Variants in PCGF2 observed in about 807,000 individuals in gnomAD.
The protein encoded by PCGF2 is polycomb group ring finger 2.
In PCGF2, 8 loss-of-function variants were observed where a neutral mutation model predicts 36.1. The observed-to-expected ratio is 0.22, with a 90% CI of 0.13 to 0.40. The LOEUF (loss-of-function observed/expected upper bound fraction) is 0.40. Among genes scored for constraint, PCGF2 ranks in the 10% least tolerant of loss-of-function variants. The probability of loss-of-function intolerance (pLI) is 1.00; values close to 1 mark genes in which losing one functional copy is unlikely to be tolerated. For missense variants in PCGF2, 436 were observed against 475.9 expected, an observed-to-expected ratio of 0.92 and a Z score of 0.78; for synonymous variants, 198 against 191.2, an observed-to-expected ratio of 1.04 and a Z score of -0.29.
chr17:38,748,935 C>A (rs571466610), upstream of PCGF2, among the ~76,000 whole-genome samples: 2 of 152,294 alleles, frequency 1.3e-5, no homozygotes, highest in South Asian at 4.1e-4. Flanking sequence ...GCGCTGGCCC[C>A]GAAAAGCGGC....
chr17:38,746,989 A>G (rs1907573182), intron 2 of PCGF2, among the ~76,000 whole-genome samples: 2 of 152,222 alleles, frequency 1.3e-5, no homozygotes, highest in Non-Finnish European at 2.9e-5. Flanking sequence ...GCATCAGAAC[A>G]GAGCGGGGAG....
chr17:38,736,095 G>C lies in PCGF2; in HGVS notation c.652C>G (p.Arg218Gly). The C allele has an allele frequency of 6.4e-7, 1 of 1,574,740 alleles. No individual in the cohort carries two copies. Among genetic ancestry groups the C allele is most frequent in the East Asian group, 2.3e-5 (1 of 43,352 alleles). Residue 218 changes from arginine (R) to glycine (G), a missense_variant, in exon 10 of 11, where the codon CGG becomes GGG. This residue lies in a region of PCGF2 where 227 missense variants were observed against 212.9 expected (regional missense o/e 1.07). Coordinates refer to ENST00000620225, the MANE Select transcript of PCGF2 (RefSeq NM_007144.3). ...LMDIAYIYPW[R>G]RNGPLPLKYR... ...CGCCCCACTCGCTGGCTCACCCGCC[G>C]CCAGGGGTAGATGTAGGCGATGTCC...
In PCGF2 at chr17:38,739,084, C is replaced by T. The variant is rs758029170; in HGVS notation, c.300G>A (p.Ala100=). 33 of 1,613,202 alleles carry T rather than the reference C, an allele frequency of 2.0e-5. No homozygotes were observed. The highest frequency in any genetic ancestry group is 2.7e-5 in the African/African-American group (2 of 74,868). The change falls in exon 6 of 11, where the codon GCG becomes GCA. Residue 100 remains alanine, a synonymous_variant. Transcript: ENST00000620225. This position sits in a 1 kb window ranked among gnomAD's most constrained non-coding sequence, Gnocchi z 4.0. The part of the protein sequence containing the change: ...EMKRRRDFYA[A]YPLTEVPNGS... ...CACACTCACCCTCCGTCAGGGGGTACGCTGCATAGAAATCCCGCCGCCGTT... is the reference window on the plus strand; with the variant it reads ...CACACTCACCCTCCGTCAGGGGGTATGCTGCATAGAAATCCCGCCGCCGTT...
rs1907016987 is a variant in PCGF2 at position 38,739,344 on chromosome 17, C to T, written c.210-91G>A. 5.0e-6 allele frequency: 6 copies of T among 1,205,080 alleles called. No homozygotes were observed. The Admixed American group carries it at 8.9e-5, about 18-fold the overall frequency. The allele number at this position is 1,205,080 out of a possible 1,614,324, so 74.6% of individuals were successfully genotyped here. A position where few individuals can be genotyped will look rare whatever the true frequency, so the allele number is the denominator to read the frequency against. On this transcript the variant is annotated intron_variant, in intron 4 of 10. Coordinates refer to ENST00000620225, the MANE Select transcript of PCGF2 (RefSeq NM_007144.3). This position sits in a 1 kb window ranked among gnomAD's most constrained non-coding sequence, Gnocchi z 4.0. ...CTCCCAGCCAGGGTACCCCTCTTCC[C>T]ACCCCCTTCCTGAGACCGGTGCCCA...
upstream of PCGF2, among the ~76,000 whole-genome samples, chr17:38,749,147 C>A (rs1203234621): frequency 6.6e-6 from 1 of 152,238 alleles, no homozygotes; most frequent in African/African-American, 2.4e-5. This position sits in a 1 kb window ranked among gnomAD's most constrained non-coding sequence, Gnocchi z 6.5. Context: ...ACACAATAAT[C>A]CGGCCGAAGG....
intron 9 of PCGF2, among the ~76,000 whole-genome samples, chr17:38,736,851 A>ACAAAT (rs1269599130): frequency 6.7e-6 from 1 of 150,178 alleles, no homozygotes; most frequent in East Asian, 2.0e-4. Context: ...ACAAAACAAA[A>ACAAAT]CAAAAAACAA....
intron 3 of PCGF2, 85 bp downstream of exon 3, chr17:38,740,206 G>A (rs1907088912): frequency 1.6e-6 from 2 of 1,231,982 alleles, no homozygotes; most frequent in Non-Finnish European, 2.4e-6. Flanking sequence ...GCAAGGGTTT[G>A]CGTGCTACCT....
chr17:38,741,589 TG>T (rs1378994003), intron 2 of PCGF2, among the ~76,000 whole-genome samples: 1 of 152,156 alleles, frequency 6.6e-6, no homozygotes, highest in Admixed American at 6.5e-5. Flanking sequence ...AGCCATCACT[TG>T]TGCTTCTGGC....
Position 38,739,893 on chromosome 17 carries a change from A to G in PCGF2, c.113-211T>C, listed in dbSNP as rs1907061845. 6.6e-6 allele frequency among the ~76,000 whole-genome samples: 1 copy of G among 152,166 alleles called. No homozygotes were observed. Among genetic ancestry groups the G allele is most frequent in the South Asian group, 2.1e-4 (1 of 4,830 alleles). Reference sequence around the variant, plus strand: ...ATCTTGTGTGAGACAGGCCAGTGTCATGTACAATGCAGAAGGTCAGCCCTG... The same window carrying G: ...ATCTTGTGTGAGACAGGCCAGTGTCGTGTACAATGCAGAAGGTCAGCCCTG... On this transcript the variant is annotated intron_variant, in intron 3 of 10. Coordinates refer to ENST00000620225, the MANE Select transcript of PCGF2 (RefSeq NM_007144.3). The surrounding 1 kb of genome is among the most constrained non-coding windows in gnomAD (Gnocchi z 4.0).
In PCGF2 at chr17:38,739,633, G is replaced by C. The variant is rs1567941284; in HGVS notation, c.162C>G (p.Pro54=). 6.2e-7 allele frequency: 1 copy of C among 1,614,040 alleles called. No individual in the cohort carries two copies. The change falls in exon 4 of 11, where the codon CCC becomes CCG. Residue 54 remains proline (P), a synonymous_variant. Transcript: ENST00000620225. The surrounding 1 kb of genome is among the most constrained non-coding windows in gnomAD (Gnocchi z 4.0). ...VRYLETNKYC[P]MCDVQVHKTR... ...TTTTATGGACCTGCACGTCACACAT[G>C]GGGCAGTATTTGTTGGTCTCCAGGT...
rs754797963 is a variant in PCGF2, at chr17:38,735,265, G to T, written c.993C>A (p.Arg331=). 2.7e-6 allele frequency: 4 copies of T among 1,467,102 alleles called. No individual in the cohort carries two copies. The highest frequency in any genetic ancestry group is 3.6e-6 in the Non-Finnish European group (4 of 1,098,824). 90.9% of individuals were successfully genotyped at this position (1,467,102 alleles called of 1,614,324 possible). A position where few individuals can be genotyped will look rare whatever the true frequency, so the allele number is the denominator to read the frequency against. The change falls in exon 11 of 11, where the codon CGC becomes CGA. Residue 331 remains arginine, a synonymous_variant. Transcript: ENST00000620225. The stretch of plus-strand genomic sequence containing the variant: ...CGGGAGCGCCGTTGACAGTCATCTT[G>T]CGCCCCCTGCTGGTGGAGGATGGTG... ...LQTPSSTSRG[R]KMTVNGAPVP...
chr17:38,749,158 C>T (rs905882426), upstream of PCGF2, among the ~76,000 whole-genome samples: 1 of 152,246 alleles, frequency 6.6e-6, no homozygotes, highest in Non-Finnish European at 1.5e-5. The surrounding 1 kb of genome is among the most constrained non-coding windows in gnomAD (Gnocchi z 6.5). Context: ...CGGCCGAAGG[C>T]GAGCGGCCAC....
chr17:38,749,041 G>A (rs573863594), upstream of PCGF2, among the ~76,000 whole-genome samples: 3 of 152,230 alleles, frequency 2.0e-5, no homozygotes, highest in South Asian at 2.1e-4. The surrounding 1 kb of genome is among the most constrained non-coding windows in gnomAD (Gnocchi z 6.5). Flanking sequence ...GCCGCGGGGG[G>A]ATCGGGTAGC....
At chr17:38,747,542 C>A (rs1192695024) in intron 2 of PCGF2, among the ~76,000 whole-genome samples, 1 of 151,108 alleles carries the variant, frequency 6.6e-6, no homozygotes, top group Admixed American at 6.6e-5. Flanking sequence ...CGGAGGGAGG[C>A]TCTGCTGAGG....
Position 38,739,059 on chromosome 17 carries a change from C to T in PCGF2, c.316+9G>A. The T allele has an allele frequency of 1.2e-6, 2 of 1,612,602 alleles. No individual in the cohort carries two copies. Among genetic ancestry groups the T allele is most frequent in the South Asian group, 2.2e-5 (2 of 91,010 alleles). On this transcript the variant is annotated intron_variant, in intron 6 of 10. Coordinates refer to ENST00000620225, the MANE Select transcript of PCGF2 (RefSeq NM_007144.3). This position sits in a 1 kb window ranked among gnomAD's most constrained non-coding sequence, Gnocchi z 4.0. Reference sequence around the variant, plus strand: ...CTGTGCACACACAAACAGACGCGAGCACACTCACCCTCCGTCAGGGGGTAC... The same window carrying T: ...CTGTGCACACACAAACAGACGCGAGTACACTCACCCTCCGTCAGGGGGTAC...
rs1906516860 is a variant in PCGF2 at position 38,734,484 on chromosome 17, CTTCTT to C, written c.*734_*738del. 1 of 150,528 alleles carries C rather than the reference CTTCTT, an allele frequency of 6.6e-6. No individual in the cohort carries two copies. Among genetic ancestry groups the C allele is most frequent in the Non-Finnish European group, 1.5e-5 (1 of 67,860 alleles). The allele number at this position is 150,528 out of a possible 1,614,324, so 9.3% of individuals were successfully genotyped here. On this transcript the variant is annotated 3_prime_UTR_variant, in exon 11 of 11. Transcript: ENST00000620225. The stretch of plus-strand genomic sequence containing the variant: ...AGCTGAGACCTCTCAGGGCCTGAAT[CTTCTT>C]TTCCACAAGATAAATGATGCAAAGG...
upstream of PCGF2, chr17:38,749,478 C>T: frequency 2.6e-6 from 1 of 390,170 alleles, no homozygotes; most frequent in Non-Finnish European, 5.4e-6. This position sits in a 1 kb window ranked among gnomAD's most constrained non-coding sequence, Gnocchi z 6.5. Context: ...ATCGATACTG[C>T]GTTACTGGAC....
chr17:38,738,881 T>C lies in PCGF2; in HGVS notation c.317-20A>G. On this transcript the variant is annotated intron_variant, in intron 6 of 10. Transcript: ENST00000620225. ...TGGGGACTGCAGAAGGAAAGAGCTC[T>C]CGGGTTGGCGGAGGATGTAGGAAGG... The C allele has an allele frequency of 2.9e-5, 46 of 1,606,394 alleles. No individual in the cohort carries two copies. Among genetic ancestry groups the C allele is most frequent in the Non-Finnish European group, 3.7e-5 (44 of 1,173,540 alleles).
intron 9 of PCGF2, among the ~76,000 whole-genome samples, chr17:38,737,496 C>T (rs536364910): frequency 1.3e-5 from 2 of 152,140 alleles, no homozygotes; most frequent in Non-Finnish European, 2.9e-5. Flanking sequence ...GCATCTTACC[C>T]CCAGAAATTC....
Sources: allele counts gnomAD v4.1 joint callset (sites outside exome capture counted in the v4.1 genomes callset), GRCh38; gene constraint gnomAD v4.1.1; regional missense constraint gnomAD v4.1.1; non-coding constraint Gnocchi (gnomAD v3.1); transcripts MANE v1.5; gene names NCBI Gene and HGNC (gene_info 2026-07-23, HGNC 2026-07-21).